TSNARE1: variants seen among roughly 807,000 people sequenced by gnomAD.
TSNARE1 encodes t-SNARE domain containing 1.
Under a neutral mutation model 62.0 loss-of-function variants are expected in TSNARE1, and 49 were observed. The ratio of observed to expected loss-of-function variants is 0.79; its 90% CI spans 0.63 to 1.00. TSNARE1 has a LOEUF of 1.00. Ranked by LOEUF, TSNARE1 falls within the 50% of genes least tolerant of loss-of-function variation. The pLI is 0.00. For synonymous variants in TSNARE1, 328 were observed against 294.4 expected (o/e 1.11, Z -1.17); for missense variants, 755 against 700.1 (o/e 1.08, Z -0.88).
chr8:142,256,294 ACAC>A (rs1158392680), intron 12 of TSNARE1, among the ~76,000 whole-genome samples: 39 of 134,514 alleles, frequency 2.9e-4, no homozygotes, highest in African/African-American at 3.1e-4. Context: ...CATCATCACC[ACAC>A]CCACCACCAC....
chr8:142,310,802 T>G (rs1447003956), intron 9 of TSNARE1, among the ~76,000 whole-genome samples: 1 of 152,204 alleles, frequency 6.6e-6, no homozygotes, highest in South Asian at 2.1e-4. Context: ...TATTTTTGCC[T>G]TTGGTTTTCA....
chr8:142,359,152 C>T (rs964658705), intron 1 of TSNARE1, among the ~76,000 whole-genome samples: 2 of 152,126 alleles, frequency 1.3e-5, no homozygotes, highest in South Asian at 2.1e-4. Flanking sequence ...CCAGCTCATG[C>T]CCCCACTTCT....
chr8:142,222,989 C>CATTT (rs1160487979), intron 13 of TSNARE1, among the ~76,000 whole-genome samples: 25 of 152,122 alleles, frequency 1.6e-4, no homozygotes, highest in African/African-American at 5.6e-4. Flanking sequence ...CTCATTCACT[C>CATTT]ACTCTCTCAT....
At chr8:142,387,211 G>T (rs775815953) in intron 1 of TSNARE1, among the ~76,000 whole-genome samples, 4 of 152,040 alleles carry the variant, frequency 2.6e-5, no homozygotes, top group African/African-American at 4.8e-5. Flanking sequence ...AAAAACTCTC[G>T]AACCAAAAAG....
chr8:142,252,173 G>C (rs1410956322), intron 12 of TSNARE1, among the ~76,000 whole-genome samples: 1 of 152,262 alleles, frequency 6.6e-6, no homozygotes, highest in Non-Finnish European at 1.5e-5. Flanking sequence ...GAGAGAGCTT[G>C]TTTGATATCT....
At chr8:142,308,342 G>A (rs966739205) in intron 9 of TSNARE1, among the ~76,000 whole-genome samples, 10 of 152,126 alleles carry the variant, frequency 6.6e-5, no homozygotes, top group East Asian at 5.8e-4. Context: ...CTTATCTTTC[G>A]CACGTGGGTC....
chr8:142,399,848 T>C (rs940049304), intron 1 of TSNARE1, among the ~76,000 whole-genome samples: 5 of 152,108 alleles, frequency 3.3e-5, no homozygotes, highest in Admixed American at 3.3e-4. Context: ...TTGTAGCAAG[T>C]AACACCATCC....
At chr8:142,284,391 C>T (rs753164091) in intron 11 of TSNARE1, 22 bp downstream of exon 11, 7 of 1,608,192 alleles carry the variant, frequency 4.4e-6, no homozygotes, top group East Asian at 2.2e-5. Context: ...GCAGGTGGCC[C>T]GAGGCTGGGG....
rs1409471680 is a variant in TSNARE1 at position 142,291,626 on chromosome 8, C to T, written c.1291-7141G>A. Among the ~76,000 whole-genome samples the T allele has an allele frequency of 1.3e-5, 2 of 152,040 alleles. No homozygotes were observed. The highest frequency in any genetic ancestry group is 1.9e-4 in the East Asian group (1 of 5,142). On this transcript the variant is annotated intron_variant, in intron 10 of 13. Coordinates refer to ENST00000524325, the MANE Select transcript of TSNARE1 (RefSeq NM_145003.5). The surrounding 1 kb of genome is among the most constrained non-coding windows in gnomAD (Gnocchi z 4.8). ...GCCGGTGAGCTGCTGCGAACGCAGA[C>T]GTGACGGGAACAGGCAACGCCGTTG... is the stretch of plus-strand genomic sequence containing the variant.
At chr8:142,235,459 G>A (rs1817364937) in intron 12 of TSNARE1, among the ~76,000 whole-genome samples, 3 of 137,420 alleles carry the variant, frequency 2.2e-5, no homozygotes, top group Non-Finnish European at 4.6e-5. Context: ...CCATTCCTCA[G>A]GAACCGCTTC....
At chr8:142,343,107 C>T (rs1292411637) in intron 4 of TSNARE1, among the ~76,000 whole-genome samples, 2 of 152,200 alleles carry the variant, frequency 1.3e-5, no homozygotes, top group Non-Finnish European at 2.9e-5. Flanking sequence ...TAAAGCGATG[C>T]TCTCCCTGGG....
chr8:142,406,730 G>T (rs1471406385), upstream of TSNARE1: 1 of 152,292 alleles, frequency 6.6e-6, no homozygotes, highest in African/African-American at 2.4e-5. Flanking sequence ...GCCCAAGAGT[G>T]AGGTTGGTAA....
intron 11 of TSNARE1, chr8:142,276,720 G>A: frequency 1.0e-6 from 1 of 985,350 alleles, no homozygotes; most frequent in African/African-American, 1.7e-5. Flanking sequence ...TGGCCCTGGG[G>A]ACTCTGATCG....
At chr8:142,352,909 A>T (rs2130712585) in intron 2 of TSNARE1, among the ~76,000 whole-genome samples, 1 of 152,300 alleles carries the variant, frequency 6.6e-6, no homozygotes, top group South Asian at 2.1e-4. Context: ...CCCCACGCAC[A>T]CGTGTGCACA....
chr8:142,363,454 G>A (rs1283064631), intron 1 of TSNARE1, among the ~76,000 whole-genome samples: 1 of 152,128 alleles, frequency 6.6e-6, no homozygotes, highest in Admixed American at 6.5e-5. Context: ...CCCCTCCCCA[G>A]CCCCATGAGC....
chr8:142,257,216 G>T (rs566854672), intron 12 of TSNARE1, among the ~76,000 whole-genome samples: 1 of 152,302 alleles, frequency 6.6e-6, no homozygotes, highest in African/African-American at 2.4e-5. Flanking sequence ...TCCTCTCTCT[G>T]ACTGCAGCCC....
Position 142,319,070 on chromosome 8 carries a change from G to A in TSNARE1, c.894-436C>T, listed in dbSNP as rs1442368363. Among the ~76,000 whole-genome samples, 1 of 151,936 alleles carries A rather than the reference G, an allele frequency of 6.6e-6. No individual in the cohort carries two copies. Among genetic ancestry groups the A allele is most frequent in the African/African-American group, 2.4e-5 (1 of 41,376 alleles). On this transcript the variant is annotated intron_variant, in intron 6 of 13. Coordinates refer to ENST00000524325, the MANE Select transcript of TSNARE1 (RefSeq NM_145003.5). The surrounding 1 kb of genome is among the most constrained non-coding windows in gnomAD (Gnocchi z 4.9). ...AAGGCAGGCAGAGAGAGACGGCGCAGGTAAGCTCTGGCTGGGGTGGGTGGC... is the reference window on the plus strand; with the variant it reads ...AAGGCAGGCAGAGAGAGACGGCGCAAGTAAGCTCTGGCTGGGGTGGGTGGC...
At chr8:142,273,424 C>T in intron 12 of TSNARE1, 12 of 985,366 alleles carry the variant, frequency 1.2e-5, no homozygotes, top group Non-Finnish European at 1.3e-5. Context: ...GGCCCCTGGG[C>T]CTAGCTGCCC....
intron 12 of TSNARE1, among the ~76,000 whole-genome samples, chr8:142,257,111 C>T (rs779376755): frequency 9.2e-5 from 14 of 152,190 alleles, no homozygotes; most frequent in East Asian, 1.9e-4. Flanking sequence ...GACACCCTGA[C>T]GTGGGGCGGT....
Sources: allele counts gnomAD v4.1 joint callset (sites outside exome capture counted in the v4.1 genomes callset), GRCh38; gene constraint gnomAD v4.1.1; non-coding constraint Gnocchi (gnomAD v3.1); transcripts MANE v1.5; gene names NCBI Gene and HGNC (gene_info 2026-07-23, HGNC 2026-07-21).